The following ADAM12 variants were observed in gnomAD, a reference collection of about 807,000 sequenced individuals.
The protein encoded by ADAM12 is ADAM metallopeptidase domain 12.
Under a neutral mutation model 106.4 loss-of-function variants are expected in ADAM12, and 70 were observed. The ratio of observed to expected loss-of-function variants is 0.66; its 90% CI spans 0.54 to 0.80. The LOEUF is 0.80. Among genes scored for constraint, ADAM12 ranks in the 30% least tolerant of loss-of-function variants. ADAM12 has a pLI of 0.00. For synonymous variants in ADAM12, 420 were observed against 433.5 expected, an observed-to-expected ratio of 0.97 and a Z score of 0.39; for missense variants, 1,010 against 1,171.9, an observed-to-expected ratio of 0.86 and a Z score of 2.02.
At chr10:126,206,693 A>ATTT (rs1289835674) in intron 3 of ADAM12, among the ~76,000 whole-genome samples, 1 of 152,224 alleles carries the variant, frequency 6.6e-6, no homozygotes, top group Non-Finnish European at 1.5e-5. Context: ...ACATGCAAGA[A>ATTT]TCATGCTCTG....
chr10:126,092,362 C>T (rs1457928117), intron 11 of ADAM12, among the ~76,000 whole-genome samples: 1 of 152,150 alleles, frequency 6.6e-6, no homozygotes, highest in Admixed American at 6.5e-5. Flanking sequence ...CAGCGTGTGG[C>T]CCAGCATAGC....
At chr10:126,192,880 G>A (rs1012846970) in intron 3 of ADAM12, among the ~76,000 whole-genome samples, 1 of 152,258 alleles carries the variant, frequency 6.6e-6, no homozygotes, top group African/African-American at 2.4e-5. Flanking sequence ...TTCTGCAAGA[G>A]GCAGAAACAT....
intron 3 of ADAM12, among the ~76,000 whole-genome samples, chr10:126,241,873 T>C (rs1165538933): frequency 1.3e-5 from 2 of 152,198 alleles, no homozygotes; most frequent in Non-Finnish European, 2.9e-5. Flanking sequence ...TATAAATTAG[T>C]ACATTTGTAG....
At chr10:126,320,024 G>A (rs1025932782) in intron 2 of ADAM12, among the ~76,000 whole-genome samples, 7 of 152,148 alleles carry the variant, frequency 4.6e-5, no homozygotes, top group African/African-American at 1.7e-4. Context: ...ACGGGGATGA[G>A]CAAAATTGGT....
In ADAM12 at chr10:126,109,734, T is replaced by C. The variant is rs769075889; in HGVS notation, c.669+41A>G. The C allele has an allele frequency of 4.9e-5, 78 of 1,576,848 alleles. 1 individual carries two copies. In the Admixed American group the frequency reaches 7.7e-4, roughly 15 times the overall value. Reference sequence around the variant, plus strand: ...GCAAAACATGTCCTTTTTTCTTTTATCTCTAACCAACCATACTGAGAAATT... The same window carrying C: ...GCAAAACATGTCCTTTTTTCTTTTACCTCTAACCAACCATACTGAGAAATT... On this transcript the variant is annotated intron_variant, in intron 7 of 22. Coordinates refer to ENST00000448723, the MANE Select transcript of ADAM12 (RefSeq NM_001288973.2).
intron 3 of ADAM12, among the ~76,000 whole-genome samples, chr10:126,249,437 T>C (rs532196315): frequency 5.8e-4 from 88 of 152,332 alleles, no homozygotes; most frequent in Admixed American, 1.7e-3. Flanking sequence ...CCATGGCTCA[T>C]GCCTGTAATC....
At chr10:126,297,544 T>G (rs975415398) in intron 2 of ADAM12, among the ~76,000 whole-genome samples, 1 of 152,144 alleles carries the variant, frequency 6.6e-6, no homozygotes, top group South Asian at 2.1e-4. Context: ...AGCAAGGCCC[T>G]GTCTCAGGAA....
At chr10:126,046,491 T>C (rs1383223861) in intron 16 of ADAM12, among the ~76,000 whole-genome samples, 1 of 152,126 alleles carries the variant, frequency 6.6e-6, no homozygotes, top group Non-Finnish European at 1.5e-5. Context: ...GCAGTATTTT[T>C]TTCTTCCATT....
chr10:126,206,585 G>A (rs778874739), intron 3 of ADAM12, among the ~76,000 whole-genome samples: 1 of 152,036 alleles, frequency 6.6e-6, no homozygotes, highest in Non-Finnish European at 1.5e-5. Flanking sequence ...AAAGTACATC[G>A]TTTTCTATTA....
intron 3 of ADAM12, among the ~76,000 whole-genome samples, chr10:126,251,625 A>AATGGACAGG (rs1958758966): frequency 9.4e-5 from 14 of 148,682 alleles, no homozygotes; most frequent in Admixed American, 2.7e-4. Context: ...TGGATAGATG[A>AATGGACAGG]ATGGATGGGA....
At chr10:126,031,841 G>A (rs966269237) in intron 21 of ADAM12, among the ~76,000 whole-genome samples, 3 of 152,172 alleles carry the variant, frequency 2.0e-5, no homozygotes, top group African/African-American at 7.2e-5. Flanking sequence ...CCTTCTTTAA[G>A]ATGCAGTGAA....
chr10:126,049,365 A>G lies in ADAM12; in HGVS notation c.1805T>C (p.Ile602Thr), dbSNP rs1954412794. The stretch of plus-strand genomic sequence containing the variant: ...AATCCGGCCTCCTTGCTGCAGGGGG[A>G]TGTTTGTTTCTATGGAAACGGCATT... ...GTNAVSIETNIPLQQGGRILC... is the reference protein window; with the variant it reads ...GTNAVSIETNTPLQQGGRILC... The change falls in exon 16 of 23, where the codon ATC becomes ACC. Residue 602 changes from isoleucine (I) to threonine (T), a missense_variant. Around this residue, in one of 3 missense-constraint regions of ADAM12, gnomAD observed 615 missense variants for 708.5 expected, o/e 0.87. Transcript: ENST00000448723. The surrounding 1 kb of genome is among the most constrained non-coding windows in gnomAD (Gnocchi z 4.4). 1 of 1,613,870 alleles carries G rather than the reference A, an allele frequency of 6.2e-7. No homozygotes were observed.
chr10:126,224,595 C>A (rs543973033), intron 3 of ADAM12, among the ~76,000 whole-genome samples: 1 of 152,186 alleles, frequency 6.6e-6, no homozygotes, highest in Non-Finnish European at 1.5e-5. Context: ...GCCCTTGTCA[C>A]GAAGGGAGGT....
chr10:126,103,490 A>G (rs147303912), intron 8 of ADAM12, among the ~76,000 whole-genome samples: 40 of 152,252 alleles, frequency 2.6e-4, no homozygotes, highest in African/African-American at 9.1e-4. Flanking sequence ...ATGTGTTAAG[A>G]ATTATTATTA....
intron 21 of ADAM12, among the ~76,000 whole-genome samples, chr10:126,031,904 A>G (rs1009373090): frequency 1.3e-5 from 2 of 152,192 alleles, no homozygotes; most frequent in African/African-American, 4.8e-5. Flanking sequence ...TGATGGGATG[A>G]AAAAAGTTTG....
intron 2 of ADAM12, among the ~76,000 whole-genome samples, chr10:126,279,996 C>T (rs954216619): frequency 6.6e-6 from 1 of 152,194 alleles, no homozygotes; most frequent in Non-Finnish European, 1.5e-5. Flanking sequence ...TTTATACATA[C>T]TTTTCTAATA....
At chr10:126,111,905 T>TA (rs111568228) in intron 6 of ADAM12, among the ~76,000 whole-genome samples, 8,519 of 151,994 alleles carry the variant, frequency 0.056, 624 homozygotes, top group African/African-American at 0.17. Context: ...GCTGTCCAGT[T>TA]AAAAAAACAA....
chr10:126,109,680 A>T (rs1955833732), intron 7 of ADAM12, 95 bp downstream of exon 7: 1 of 1,061,342 alleles, frequency 9.4e-7, no homozygotes, highest in African/African-American at 1.6e-5. Context: ...CACATAGGAA[A>T]TGAGGTTCAT....
intron 14 of ADAM12, among the ~76,000 whole-genome samples, chr10:126,061,309 A>G (rs190725305): frequency 1.3e-5 from 2 of 152,346 alleles, no homozygotes; most frequent in Admixed American, 6.5e-5. Context: ...AATAGATTAT[A>G]GGCTATGTTG....
Sources: gnomAD v4.1 joint callset for allele counts (sites outside exome capture counted in the v4.1 genomes callset) on GRCh38, gnomAD v4.1.1 for gene constraint, gnomAD v4.1.1 regional missense constraint, Gnocchi (gnomAD v3.1) non-coding constraint, MANE v1.5 for transcripts, NCBI Gene and HGNC (gene_info 2026-07-23, HGNC 2026-07-21) for gene names.